Variants in TGS1 observed in about 807,000 individuals in gnomAD.
The protein encoded by TGS1 is trimethylguanosine synthase.
TGS1 carries 69 observed loss-of-function variants against 92.2 expected under a neutral mutation model. The observed-to-expected ratio is 0.75, with a 90% CI of 0.62 to 0.91. The LOEUF (loss-of-function observed/expected upper bound fraction) is 0.91, where lower values mean the gene tolerates loss of function less well. Among genes scored for constraint, TGS1 ranks in the 40% least tolerant of loss-of-function variants. The pLI is 0.00. For synonymous variants in TGS1, 345 were observed against 338.1 expected, an observed-to-expected ratio of 1.02 and a Z score of -0.22; for missense variants, 1,062 against 1,001.2, an observed-to-expected ratio of 1.06 and a Z score of -0.82.
intron 2 of TGS1, among the ~76,000 whole-genome samples, chr8:55,784,054 GA>G (rs1319455697): frequency 6.6e-6 from 1 of 152,158 alleles, no homozygotes; most frequent in Non-Finnish European, 1.5e-5. Flanking sequence ...GCACACAAGA[GA>G]TTTCTCTTTA....
In TGS1 at chr8:55,811,084, A is replaced by T. The variant is rs953386332; in HGVS notation, c.2347A>T (p.Met783Leu). Residue 783 changes from methionine (M) to leucine (L), a missense_variant, in exon 11 of 13, where the codon ATG becomes TTG. Physicochemically the swap from Met to Leu is conservative, Grantham distance 15 (BLOSUM62 2). Coordinates refer to ENST00000260129, the MANE Select transcript of TGS1 (RefSeq NM_024831.8). Reference protein sequence around the residue: ...TAETFDIRTMMSPDGFEIFRL... With the variant: ...TAETFDIRTMLSPDGFEIFRL... The stretch of plus-strand genomic sequence containing the variant: ...AGAGACCTTTGACATTAGAACAATG[A>T]TGTCTCCTGATGGATATCCTTTGGA... The T allele has an allele frequency of 1.3e-6, 2 of 1,528,784 alleles. No homozygotes were observed. The highest frequency in any genetic ancestry group is 3.6e-4 in the Middle Eastern group (2 of 5,624). The allele number at this position is 1,528,784 out of a possible 1,614,324, so 94.7% of individuals were successfully genotyped here. A position where few individuals can be genotyped will look rare whatever the true frequency, so the allele number is the denominator to read the frequency against.
chr8:55,793,482 A>G (rs1811943249), intron 6 of TGS1, among the ~76,000 whole-genome samples: 1 of 151,992 alleles, frequency 6.6e-6, no homozygotes, highest in African/African-American at 2.4e-5. Flanking sequence ...ACAGAGTGAG[A>G]CTCTCAAAAA....
intron 7 of TGS1, 90 bp downstream of exon 7, chr8:55,796,242 G>T: frequency 5.2e-5 from 49 of 945,006 alleles, no homozygotes; most frequent in East Asian, 1.9e-4. Context: ...TAGGAAGCTT[G>T]TTTCTACCAG....
intron 6 of TGS1, among the ~76,000 whole-genome samples, chr8:55,793,764 TTA>T (rs1811957066): frequency 1.3e-5 from 2 of 149,936 alleles, no homozygotes; most frequent in African/African-American, 4.9e-5. Context: ...ATTTATTTAT[TTA>T]TTTATTTATT....
chr8:55,787,459 GGAC>G (rs1369699633), intron 4 of TGS1, among the ~76,000 whole-genome samples: 1 of 152,116 alleles, frequency 6.6e-6, no homozygotes, highest in Admixed American at 6.6e-5. Flanking sequence ...AATTCACTTA[GGAC>G]AAGTGAAGTC....
At chr8:55,802,975 T>G (rs1353746248) in intron 9 of TGS1, among the ~76,000 whole-genome samples, 2 of 152,112 alleles carry the variant, frequency 1.3e-5, no homozygotes, top group African/African-American at 4.8e-5. Context: ...TTTTTTTCCT[T>G]CCAGTATAGG....
At chr8:55,778,801 G>A (rs1257803357) in intron 1 of TGS1, among the ~76,000 whole-genome samples, 2 of 152,188 alleles carry the variant, frequency 1.3e-5, no homozygotes, top group Admixed American at 6.5e-5. Flanking sequence ...CTTTGCAAAA[G>A]AGGAATTGCT....
At chr8:55,811,905 C>A (rs76369720) in intron 11 of TGS1, among the ~76,000 whole-genome samples, 2,712 of 152,200 alleles carry the variant, frequency 0.018, 98 homozygotes, top group African/African-American at 0.063. Flanking sequence ...AATATGAGGT[C>A]ATATTTCCGT....
At chr8:55,814,777 G>C (rs1803432220) in intron 12 of TGS1, among the ~76,000 whole-genome samples, 1 of 149,436 alleles carries the variant, frequency 6.7e-6, no homozygotes, top group Non-Finnish European at 1.5e-5. Context: ...GGCAGAGGTT[G>C]CAGTGAGCCG....
chr8:55,808,835 C>A (rs969898568), intron 10 of TGS1, among the ~76,000 whole-genome samples: 15 of 152,044 alleles, frequency 9.9e-5, no homozygotes, highest in African/African-American at 3.4e-4. Flanking sequence ...TAATTTGCCC[C>A]CCAAACCAGA....
At chr8:55,790,595 A>G (rs1048180571) in intron 5 of TGS1, among the ~76,000 whole-genome samples, 4 of 151,652 alleles carry the variant, frequency 2.6e-5, no homozygotes, top group Non-Finnish European at 5.9e-5. Flanking sequence ...TGAACTCCTC[A>G]GCTCAATTGA....
chr8:55,796,747 T>C (rs185194092), intron 7 of TGS1, among the ~76,000 whole-genome samples: 1 of 152,104 alleles, frequency 6.6e-6, no homozygotes, highest in Non-Finnish European at 1.5e-5. Context: ...TCCCAGCACT[T>C]AGGGAGGCTG....
At chr8:55,796,238 G>T in intron 7 of TGS1, 86 bp downstream of exon 7, 1 of 1,034,992 alleles carries the variant, frequency 9.7e-7, no homozygotes, top group Non-Finnish European at 1.4e-6. Context: ...CAAATAGGAA[G>T]CTTGTTTCTA....
At chr8:55,817,705 T>C (rs1349275002) in intron 12 of TGS1, among the ~76,000 whole-genome samples, 1 of 152,168 alleles carries the variant, frequency 6.6e-6, no homozygotes, top group East Asian at 1.9e-4. Flanking sequence ...GTAGAGAACA[T>C]TAGTCCAGGT....
At chr8:55,801,296 A>C (rs1812205733) in intron 8 of TGS1, among the ~76,000 whole-genome samples, 1 of 152,170 alleles carries the variant, frequency 6.6e-6, no homozygotes, top group Non-Finnish European at 1.5e-5. Flanking sequence ...TTTTAGACAG[A>C]GTCTTGCTCT....
Position 55,786,613 on chromosome 8 carries a change from C to A in TGS1, c.715C>A (p.Gln239Lys). Residue 239 changes from glutamine to lysine, a missense_variant, in exon 4 of 13, where the codon CAA becomes AAA. Physicochemically the swap from Gln to Lys is moderately conservative, Grantham distance 53 (BLOSUM62 1). Coordinates refer to ENST00000260129, the MANE Select transcript of TGS1 (RefSeq NM_024831.8). ...NFPDTKEEWE[Q>K]HYSQLYWYYL... ...TCCTGATACAAAGGAAGAATGGGAG[C>A]AACATTATAGTCAACTTTATTGGTA... 6.2e-7 allele frequency: 1 copy of A among 1,614,118 alleles called. No homozygotes were observed. The highest frequency in any genetic ancestry group is 8.5e-7 in the Non-Finnish European group (1 of 1,180,000).
At position 55,802,732 on chromosome 8, in the gene TGS1, G is replaced by T. The variant is rs1812253663; in HGVS notation, c.1999+126G>T. The T allele has an allele frequency of 5.2e-6, 5 of 960,476 alleles. No individual in the cohort carries two copies. In the Admixed American group the frequency reaches 9.1e-5, roughly 18 times the overall value. 59.5% of individuals were successfully genotyped at this position (960,476 alleles called of 1,614,324 possible). A position where few individuals can be genotyped will look rare whatever the true frequency, so the allele number is the denominator to read the frequency against. On this transcript the variant is annotated intron_variant, in intron 9 of 12. Transcript: ENST00000260129. ...CAGATTCAGCTATTTTCAACATTTT[G>T]CCCCGTTTACGTTCTCATTCTCTCT... is the stretch of plus-strand genomic sequence containing the variant.
rs574937743 is a variant in TGS1 at position 55,809,266 on chromosome 8, G to A, written c.2144-1615G>A. 3.1e-4 allele frequency among the ~76,000 whole-genome samples: 47 copies of A among 152,284 alleles called. No homozygotes were observed. The South Asian group carries it at 8.1e-3, about 26-fold the overall frequency. ...CTGTAAAGTTTTGCATATTGCTGTT[G>A]TTAAAGATATCTTTCCCTTTTGTAT... On this transcript the variant is annotated intron_variant, in intron 10 of 12. Coordinates refer to ENST00000260129, the MANE Select transcript of TGS1 (RefSeq NM_024831.8).
At chr8:55,819,452 A>G (rs999585253) in intron 12 of TGS1, among the ~76,000 whole-genome samples, 15 of 150,550 alleles carry the variant, frequency 1.0e-4, no homozygotes, top group African/African-American at 3.7e-4. Context: ...ATATGCCACT[A>G]TGCCCGGCTA....
Sources: gnomAD v4.1 joint callset for allele counts (sites outside exome capture counted in the v4.1 genomes callset) on GRCh38, gnomAD v4.1.1 for gene constraint, MANE v1.5 for transcripts, NCBI Gene and HGNC (gene_info 2026-07-23, HGNC 2026-07-21) for gene names.